OTOG: variants seen among roughly 807,000 people sequenced by gnomAD.
The protein encoded by OTOG is otogelin.
In OTOG, 296 loss-of-function variants were observed where a neutral mutation model predicts 313.8. The ratio of observed to expected loss-of-function variants is 0.94; its 90% CI spans 0.86 to 1.04. OTOG has a LOEUF of 1.04. OTOG is among the 50% of genes least tolerant of loss of function. The probability of loss-of-function intolerance (pLI) is 0.00; values close to 1 mark genes in which losing one functional copy is unlikely to be tolerated. For missense variants in OTOG, 3,948 were observed against 3,840.1 expected (o/e 1.03, Z -0.74); for synonymous variants, 1,533 against 1,554.9 (o/e 0.99, Z 0.33).
chr11:17,558,490 G>A (rs1184705201), intron 9 of OTOG, 48 bp from the exon 10 acceptor site: 5 of 1,545,160 alleles, frequency 3.2e-6, no homozygotes, highest in Admixed American at 2.0e-5. Context: ...GTGGGGCTGT[G>A]TGTGGCTTTG....
rs1852591345 is a variant in OTOG, at chr11:17,578,511, G to A, written c.2744G>A (p.Cys915Tyr). The change falls in exon 23 of 56, where the codon TGC becomes TAC. Residue 915 changes from cysteine to tyrosine, a missense_variant. Cys to Tyr is a radical substitution (Grantham distance 194). Coordinates refer to ENST00000399397, the MANE Select transcript of OTOG (RefSeq NM_001292063.2). ...GCCCGTGGCCCCTGCCTCTCGGGCT[G>A]CGCCTGTCCCCAGGGGTAAGTACCC... ...VSARGPCLSGCACPQGLLRHG... is the reference protein window; with the variant it reads ...VSARGPCLSGYACPQGLLRHG... The A allele has an allele frequency of 6.5e-7, 1 of 1,536,574 alleles. No individual in the cohort carries two copies. Among genetic ancestry groups the A allele is most frequent in the Non-Finnish European group, 8.7e-7 (1 of 1,146,030 alleles).
intron 12 of OTOG, among the ~76,000 whole-genome samples, chr11:17,560,163 G>A (rs1214079459): frequency 6.6e-6 from 1 of 152,230 alleles, no homozygotes; most frequent in Non-Finnish European, 1.5e-5. Context: ...CTGGTTTTCA[G>A]TGTATAAATT....
In OTOG at chr11:17,599,630, C is replaced by T. The variant is rs992833286; in HGVS notation, c.3683-41C>T. On this transcript the variant is annotated intron_variant, in intron 30 of 55. Transcript: ENST00000399397. ...TGGCTCTGTCTGTCTGTTCCAGGCT[C>T]TGGGCTGGCTCTCAGGAAGTTCCTG... is the stretch of plus-strand genomic sequence containing the variant. 3.2e-6 allele frequency: 5 copies of T among 1,549,736 alleles called. No individual in the cohort carries two copies. The African/African-American group carries it at 6.8e-5, about 21-fold the overall frequency.
Position 17,605,957 on chromosome 11 carries a change from C to A in OTOG, c.3978C>A (p.Asp1326Glu), listed in dbSNP as rs1194035334. 1.0e-5 allele frequency: 16 copies of A among 1,550,636 alleles called. No individual in the cohort carries two copies. The highest frequency in any genetic ancestry group is 1.7e-4 in the Middle Eastern group (1 of 5,990). The stretch of plus-strand genomic sequence containing the variant: ...AGCTGGCTAAGTGGCAGGGCCGTGA[C>A]ACCTTCCAACAGCATGCCTCCTTCT... ...SLELAKWQGR[D>E]TFQQHASFLL... The change falls in exon 33 of 56, where the codon GAC becomes GAA. Residue 1326 changes from aspartate to glutamate, a missense_variant. By Grantham distance (45) the Asp-to-Glu change is conservative. Transcript: ENST00000399397.
In OTOG at chr11:17,559,573, G is replaced by C. The variant is rs1403574446; in HGVS notation, c.1253G>C (p.Cys418Ser). Residue 418 changes from cysteine (C) to serine (S), a missense_variant, in exon 12 of 56, where the codon TGC becomes TCC. Cys to Ser is a moderately radical substitution (Grantham distance 112). Transcript: ENST00000399397. Reference protein sequence around the residue: ...CKEKAFTYNECIACCPASCHP... With the variant: ...CKEKAFTYNESIACCPASCHP... The stretch of plus-strand genomic sequence containing the variant: ...GAGAAGGCCTTTACCTACAATGAGT[G>C]CATCGCCTGCTGCCCTGCCTCCTGC... 1 of 1,550,750 alleles carries C rather than the reference G, an allele frequency of 6.4e-7. No individual in the cohort carries two copies. The highest frequency in any genetic ancestry group is 1.2e-5 in the South Asian group (1 of 84,064).
chr11:17,637,650 A>C (rs1237951640), intron 47 of OTOG, among the ~76,000 whole-genome samples: 1 of 152,182 alleles, frequency 6.6e-6, no homozygotes, highest in East Asian at 1.9e-4. Context: ...GAGTCACAAG[A>C]ATTGATGTTA....
At chr11:17,575,294 C>G (rs770703676) in intron 20 of OTOG, among the ~76,000 whole-genome samples, 4 of 152,242 alleles carry the variant, frequency 2.6e-5, no homozygotes, top group Non-Finnish European at 4.4e-5. Flanking sequence ...AGCTCACATT[C>G]TAGGGTTGCA....
intron 39 of OTOG, among the ~76,000 whole-genome samples, chr11:17,624,936 T>A (rs1395034380): frequency 6.6e-6 from 1 of 152,176 alleles, no homozygotes; most frequent in Non-Finnish European, 1.5e-5. Context: ...TAAGATTGCC[T>A]TCCTGATTTG....
At chr11:17,593,874 T>C (rs1853020180) in intron 27 of OTOG, 118 bp downstream of exon 27, 1 of 1,415,312 alleles carries the variant, frequency 7.1e-7, no homozygotes, top group Non-Finnish European at 9.6e-7. Flanking sequence ...TGTTCTCTCC[T>C]CCGCCCTGCT....
Position 17,560,563 on chromosome 11 carries a change from A to G in OTOG, c.1343-146A>G, listed in dbSNP as rs148644507. On this transcript the variant is annotated intron_variant, in intron 12 of 55. Coordinates refer to ENST00000399397, the MANE Select transcript of OTOG (RefSeq NM_001292063.2). ...AGGTGTTCACTTCTGGCCTGAGCCA[A>G]GGATTTATAGAGGAGAAAGTTTGGA... The G allele has an allele frequency of 3.9e-3, 2,538 of 645,488 alleles. 16 individuals carry two copies. Among genetic ancestry groups the G allele is most frequent in the Middle Eastern group, 0.013 (51 of 3,840 alleles). The allele number at this position is 645,488 out of a possible 1,614,324, so 40.0% of individuals were successfully genotyped here. A position where few individuals can be genotyped will look rare whatever the true frequency, so the allele number is the denominator to read the frequency against.
chr11:17,588,284 G>A (rs1043880891), intron 24 of OTOG, among the ~76,000 whole-genome samples: 1 of 152,216 alleles, frequency 6.6e-6, no homozygotes, highest in Non-Finnish European at 1.5e-5. Flanking sequence ...CTGTGGCCCA[G>A]ATTCCAGCTG....
chr11:17,642,509 C>T (rs1847997505), intron 53 of OTOG, among the ~76,000 whole-genome samples: 1 of 152,232 alleles, frequency 6.6e-6, no homozygotes, highest in Non-Finnish European at 1.5e-5. Flanking sequence ...TTCAGCCAGA[C>T]ACCAACACAG....
chr11:17,618,767 T>C (rs182651629), intron 39 of OTOG, among the ~76,000 whole-genome samples: 1 of 152,356 alleles, frequency 6.6e-6, no homozygotes, highest in East Asian at 1.9e-4. Context: ...GTTATGTCCT[T>C]TTGATGAATT....
In OTOG at chr11:17,553,529, C is replaced by A; in HGVS notation, c.540+10C>A. 7.0e-7 allele frequency: 1 copy of A among 1,424,414 alleles called. No individual in the cohort carries two copies. The highest frequency in any genetic ancestry group is 9.2e-7 in the Non-Finnish European group (1 of 1,086,672). 88.2% of individuals were successfully genotyped at this position (1,424,414 alleles called of 1,614,324 possible). A position where few individuals can be genotyped will look rare whatever the true frequency, so the allele number is the denominator to read the frequency against. Reference sequence around the variant, plus strand: ...GAGCTTCTCCATCCAGGTGAGGCCTCCCCTGCCTTGCCTGTCCAGGAATGC... The same window carrying A: ...GAGCTTCTCCATCCAGGTGAGGCCTACCCTGCCTTGCCTGTCCAGGAATGC... On this transcript the variant is annotated intron_variant, in intron 6 of 55. Coordinates refer to ENST00000399397, the MANE Select transcript of OTOG (RefSeq NM_001292063.2).
At chr11:17,561,611 A>T (rs1401984705) in intron 14 of OTOG, 51 bp from the exon 15 acceptor site, 7 of 1,543,756 alleles carry the variant, frequency 4.5e-6, no homozygotes, top group Non-Finnish European at 6.1e-6. Flanking sequence ...TGCAGGGCAG[A>T]GTTCCCCTGG....
In OTOG at chr11:17,612,437, C is replaced by T. The variant is rs1221851032; in HGVS notation, c.6292+107C>T. On this transcript the variant is annotated intron_variant, in intron 37 of 55. Transcript: ENST00000399397. The stretch of plus-strand genomic sequence containing the variant: ...CCCAGACTCCCCTCCTGTGGGACCC[C>T]GACCTGGCAGATTTCCTACGCTTGT... 6.3e-6 allele frequency: 9 copies of T among 1,418,666 alleles called. No individual in the cohort carries two copies. In the Admixed American group the frequency reaches 1.2e-4, roughly 19 times the overall value. The allele number at this position is 1,418,666 out of a possible 1,614,324, so 87.9% of individuals were successfully genotyped here.
intron 38 of OTOG, 121 bp from the exon 39 acceptor site, chr11:17,613,491 G>T: frequency 1.3e-6 from 1 of 793,128 alleles, no homozygotes; most frequent in East Asian, 2.7e-5. Context: ...CCTGATGGGA[G>T]CCCCTGGCAT....
Position 17,612,335 on chromosome 11 carries a change from G to A in OTOG, c.6292+5G>A. On this transcript the variant is annotated splice_donor_5th_base_variant and intron_variant, in intron 37 of 55. Coordinates refer to ENST00000399397, the MANE Select transcript of OTOG (RefSeq NM_001292063.2). Reference sequence around the variant, plus strand: ...GCCCACTCTGGGAGTGTGCCTGTGAGTCATGGGATCAGCGGAGCCTCCTGC... The same window carrying A: ...GCCCACTCTGGGAGTGTGCCTGTGAATCATGGGATCAGCGGAGCCTCCTGC... 1.3e-6 allele frequency: 2 copies of A among 1,527,388 alleles called. No homozygotes were observed. Among genetic ancestry groups the A allele is most frequent in the Non-Finnish European group, 1.8e-6 (2 of 1,140,274 alleles). The allele number at this position is 1,527,388 out of a possible 1,614,324, so 94.6% of individuals were successfully genotyped here. A position where few individuals can be genotyped will look rare whatever the true frequency, so the allele number is the denominator to read the frequency against.
intron 3 of OTOG, among the ~76,000 whole-genome samples, chr11:17,549,969 A>G (rs994057661): frequency 3.3e-5 from 5 of 152,172 alleles, no homozygotes; most frequent in African/African-American, 1.2e-4. Flanking sequence ...CTTCATTTCA[A>G]TGCTGTCCCG....
Sources: gnomAD v4.1 joint callset for allele counts (sites outside exome capture counted in the v4.1 genomes callset) on GRCh38, gnomAD v4.1.1 for gene constraint, MANE v1.5 for transcripts, NCBI Gene and HGNC (gene_info 2026-07-23, HGNC 2026-07-21) for gene names.